ZBTB46: variants seen among roughly 807,000 people sequenced by gnomAD.
ZBTB46 encodes the protein zinc finger and BTB domain containing 46.
A neutral mutation model predicts 44.1 loss-of-function variants in ZBTB46; 8 were observed. That is an observed-to-expected ratio of 0.18 (90% CI 0.11 to 0.33). ZBTB46 has a LOEUF of 0.33. Among genes scored for constraint, ZBTB46 ranks in the 10% least tolerant of loss-of-function variants. The pLI, the probability that ZBTB46 is intolerant of heterozygous loss-of-function variation, is 1.00. For missense variants in ZBTB46, 651 were observed against 847.7 expected (o/e 0.77, Z 2.88); for synonymous variants, 409 against 382.3 (o/e 1.07, Z -0.81).
chr20:63,795,077 C>T (rs2092590663), intron 1 of ZBTB46, among the ~76,000 whole-genome samples: 1 of 152,352 alleles, frequency 6.6e-6, no homozygotes, highest in Admixed American at 6.5e-5. Context: ...TCAGGTTGCC[C>T]AATAGCTACC....
chr20:63,765,951 C>G (rs984170679), intron 3 of ZBTB46, among the ~76,000 whole-genome samples: 1 of 152,158 alleles, frequency 6.6e-6, no homozygotes, highest in Non-Finnish European at 1.5e-5. Flanking sequence ...GAGAGAATCT[C>G]TACAACCAGG....
chr20:63,789,541 T>G (rs912324894), intron 2 of ZBTB46, among the ~76,000 whole-genome samples: 13 of 152,268 alleles, frequency 8.5e-5, no homozygotes, highest in African/African-American at 3.1e-4. Flanking sequence ...CCCTGTGGCT[T>G]CAGAGGGGCC....
At chr20:63,792,298 C>T (rs1309973015) in intron 1 of ZBTB46, among the ~76,000 whole-genome samples, 1 of 152,218 alleles carries the variant, frequency 6.6e-6, no homozygotes, top group Non-Finnish European at 1.5e-5. Context: ...CCCCATTCTC[C>T]AGCTGATAAG....
chr20:63,793,925 G>T (rs1047061595), intron 1 of ZBTB46, among the ~76,000 whole-genome samples: 2 of 152,104 alleles, frequency 1.3e-5, no homozygotes, highest in African/African-American at 4.8e-5. Context: ...GGTGGCTCAC[G>T]CCTGTAATCC....
At chr20:63,785,075 T>C (rs1029388817) in intron 2 of ZBTB46, among the ~76,000 whole-genome samples, 4 of 148,702 alleles carry the variant, frequency 2.7e-5, no homozygotes, top group African/African-American at 1.0e-4. Context: ...CTACTAAAAA[T>C]ACAAAAATTA....
chr20:63,799,513 A>C (rs1283383132), intron 1 of ZBTB46, among the ~76,000 whole-genome samples: 3 of 149,980 alleles, frequency 2.0e-5, no homozygotes, highest in Non-Finnish European at 4.4e-5. Context: ...ACACCCAGCT[A>C]ATTTTTGTAA....
At chr20:63,801,269 A>G (rs1271528223) in intron 1 of ZBTB46, among the ~76,000 whole-genome samples, 1 of 151,744 alleles carries the variant, frequency 6.6e-6, no homozygotes, top group Non-Finnish European at 1.5e-5. Flanking sequence ...AGCGCCCTGT[A>G]TCCAGCTCAA....
At chr20:63,820,342 G>T (rs1287410492) in intron 1 of ZBTB46, among the ~76,000 whole-genome samples, 1 of 151,816 alleles carries the variant, frequency 6.6e-6, no homozygotes, top group East Asian at 1.9e-4. Context: ...CTCATGATCC[G>T]CCTGCCTCGG....
intron 2 of ZBTB46, among the ~76,000 whole-genome samples, chr20:63,779,521 G>A (rs1173965898): frequency 8.1e-5 from 12 of 147,436 alleles, no homozygotes; most frequent in East Asian, 2.0e-4. Context: ...CCAGGTTCAC[G>A]CCATTCTCCT....
In ZBTB46 at chr20:63,790,098, G is replaced by C; in HGVS notation, c.660C>G (p.Asp220Glu). 6.2e-7 allele frequency: 1 copy of C among 1,614,020 alleles called. No individual in the cohort carries two copies. The highest frequency in any genetic ancestry group is 8.5e-7 in the Non-Finnish European group (1 of 1,180,036). Residue 220 changes from aspartate (D) to glutamate (E), a missense_variant, in exon 2 of 5, where the codon GAC (aspartate) becomes GAG (glutamate). Asp to Glu is a conservative substitution (Grantham distance 45, BLOSUM62 2). Transcript: ENST00000245663. Reference sequence around the variant, plus strand: ...TGATGCGCAGAGGCCCGTAGCCCACGTCTCCAGGCCATAGAGGCTGTGAAG... The same window carrying C: ...TGATGCGCAGAGGCCCGTAGCCCACCTCTCCAGGCCATAGAGGCTGTGAAG... ...DVSSQPLWPG[D>E]VGYGPLRIKE...
intron 1 of ZBTB46, among the ~76,000 whole-genome samples, chr20:63,820,827 C>T (rs1009984246): frequency 1.3e-5 from 2 of 152,098 alleles, no homozygotes; most frequent in African/African-American, 4.8e-5. Flanking sequence ...TTCCCAGGTT[C>T]AAGCGATTCT....
At chr20:63,761,243 C>T (rs1242994085) in intron 3 of ZBTB46, among the ~76,000 whole-genome samples, 19 of 150,352 alleles carry the variant, frequency 1.3e-4, no homozygotes, top group Middle Eastern at 3.3e-3. Flanking sequence ...AAGTGATTGA[C>T]GCACTTCAGC....
chr20:63,749,622 C>T (rs1048893888), intron 4 of ZBTB46, among the ~76,000 whole-genome samples: 1 of 152,240 alleles, frequency 6.6e-6, no homozygotes, highest in African/African-American at 2.4e-5. Flanking sequence ...AGGCGTCAGC[C>T]ACCGCGCCCA....
intron 1 of ZBTB46, among the ~76,000 whole-genome samples, chr20:63,816,151 AGTGGGTGCAGGTGCG>A (rs1291422939): frequency 7.2e-5 from 9 of 125,222 alleles, no homozygotes; most frequent in Non-Finnish European, 1.3e-4. Flanking sequence ...GTGCAGGTGC[AGTGGGTGCAGGTGCG>A]GTGGGCACAG....
intron 2 of ZBTB46, among the ~76,000 whole-genome samples, chr20:63,788,649 G>A (rs1253588099): frequency 1.3e-5 from 2 of 151,976 alleles, no homozygotes; most frequent in Admixed American, 6.6e-5. Context: ...GACCATCCTG[G>A]CCAACATGGT....
At chr20:63,758,428 C>T (rs2092244061) in intron 3 of ZBTB46, among the ~76,000 whole-genome samples, 1 of 152,156 alleles carries the variant, frequency 6.6e-6, no homozygotes, top group African/African-American at 2.4e-5. Context: ...CCCTCTGCCT[C>T]CTGACTGACC....
At chr20:63,785,820 A>C (rs2092510060) in intron 2 of ZBTB46, among the ~76,000 whole-genome samples, 1 of 152,180 alleles carries the variant, frequency 6.6e-6, no homozygotes, top group Admixed American at 6.6e-5. Context: ...TCCTCATCTT[A>C]GCAACTCGGA....
At position 63,775,670 on chromosome 20, in the gene ZBTB46, G is replaced by T; in HGVS notation, c.1222+8C>A. On this transcript the variant is annotated splice_region_variant and intron_variant, in intron 3 of 4. Coordinates refer to ENST00000245663, the MANE Select transcript of ZBTB46 (RefSeq NM_001369741.1). ...CAAAGCCAAGCGGCCCCCAGGGCCT[G>T]CACTTACGGGACAGCGAGTGGGCCC... 1.9e-6 allele frequency: 3 copies of T among 1,554,582 alleles called. No individual in the cohort carries two copies. Among genetic ancestry groups the T allele is most frequent in the Non-Finnish European group, 2.6e-6 (3 of 1,149,886 alleles).
intron 4 of ZBTB46, among the ~76,000 whole-genome samples, chr20:63,750,258 C>G (rs991502931): frequency 3.9e-5 from 6 of 152,138 alleles, no homozygotes; most frequent in Non-Finnish European, 7.3e-5. Flanking sequence ...GTTTGTTGTT[C>G]TTTAGAGACA....
Sources: allele counts gnomAD v4.1 joint callset (sites outside exome capture counted in the v4.1 genomes callset), GRCh38; gene constraint gnomAD v4.1.1; transcripts MANE v1.5; gene names NCBI Gene and HGNC (gene_info 2026-07-23, HGNC 2026-07-21).